The following RANBP2 variants were observed in gnomAD, a reference collection of about 807,000 sequenced individuals.
The protein encoded by RANBP2 is RAN binding protein 2.
Under a neutral mutation model 303.6 loss-of-function variants are expected in RANBP2, and 57 were observed. The observed-to-expected ratio is 0.19, with a 90% CI of 0.15 to 0.23. The LOEUF (loss-of-function observed/expected upper bound fraction) is 0.23, where lower values mean the gene tolerates loss of function less well. Ranked by LOEUF, RANBP2 falls within the 10% of genes least tolerant of loss-of-function variation. The probability of loss-of-function intolerance (pLI) is 1.00; values close to 1 mark genes in which losing one functional copy is unlikely to be tolerated. For missense variants in RANBP2, 3,138 were observed against 3,780.8 expected, an observed-to-expected ratio of 0.83 and a Z score of 4.46; for synonymous variants, 1,167 against 1,301.5, an observed-to-expected ratio of 0.90 and a Z score of 2.23.
chr2:109,650,951 C>A, the RANBP2 span, among the ~76,000 whole-genome samples: 143 of 152,240 alleles, frequency 9.4e-4, 1 homozygote, highest in African/African-American at 3.3e-3. Context: ...GAAATGCAGT[C>A]TTGAGGGACA....
At chr2:109,535,135 A>C in the RANBP2 span, among the ~76,000 whole-genome samples, 812 of 152,348 alleles carry the variant, frequency 5.3e-3, 6 homozygotes, top group African/African-American at 0.019. Context: ...GGCACTGGTC[A>C]GAAGCGTGGA....
chr2:109,217,860 C>A, the RANBP2 span, among the ~76,000 whole-genome samples: 1 of 152,220 alleles, frequency 6.6e-6, no homozygotes, highest in Non-Finnish European at 1.5e-5. Context: ...CCCATCTCCC[C>A]CATACAGGGG....
At chr2:109,501,789 CG>C in the RANBP2 span, 8 of 624,742 alleles carry the variant, frequency 1.3e-5, no homozygotes, top group Admixed American at 2.5e-5. Context: ...AGGCACCTGG[CG>C]GGGGATACCC....
At chr2:109,465,951 G>A in the RANBP2 span, among the ~76,000 whole-genome samples, 3 of 151,738 alleles carry the variant, frequency 2.0e-5, no homozygotes, top group Admixed American at 2.0e-4. Flanking sequence ...CCTCCCACCA[G>A]ACCCCACCTC....
At chr2:108,978,514 G>A in the RANBP2 span, among the ~76,000 whole-genome samples, 4 of 152,172 alleles carry the variant, frequency 2.6e-5, no homozygotes, top group Admixed American at 2.0e-4. Flanking sequence ...AGGGAGCCAC[G>A]GGCTTAGGGA....
chr2:109,296,306 C>T, the RANBP2 span, among the ~76,000 whole-genome samples: 4,428 of 152,178 alleles, frequency 0.029, 235 homozygotes, highest in African/African-American at 0.1. Flanking sequence ...CGGCTCACTG[C>T]AACCCCTGCC....
At chr2:108,871,842 CTTTTG>C in the RANBP2 span, among the ~76,000 whole-genome samples, 6 of 151,982 alleles carry the variant, frequency 3.9e-5, no homozygotes, top group East Asian at 1.2e-3. Flanking sequence ...ATCTTTTTAC[CTTTTG>C]TTTTGTGACT....
At chr2:109,336,853 C>T in the RANBP2 span, among the ~76,000 whole-genome samples, 468 of 152,166 alleles carry the variant, frequency 3.1e-3, 3 homozygotes, top group African/African-American at 0.011. Flanking sequence ...CAACCGTATC[C>T]GTCAACACCT....
the RANBP2 span, among the ~76,000 whole-genome samples, chr2:109,563,317 C>T: frequency 5.9e-5 from 9 of 152,198 alleles, no homozygotes; most frequent in African/African-American, 2.2e-4. Context: ...AAGATTAAGT[C>T]TTCCAAAAGC....
At chr2:108,879,520 G>C in the RANBP2 span, among the ~76,000 whole-genome samples, 8 of 152,276 alleles carry the variant, frequency 5.3e-5, no homozygotes, top group South Asian at 2.1e-4. Context: ...AATACCAACT[G>C]CATATGACAG....
At chr2:109,399,247 G>A in the RANBP2 span, among the ~76,000 whole-genome samples, 1 of 152,100 alleles carries the variant, frequency 6.6e-6, no homozygotes, top group East Asian at 1.9e-4. Context: ...CGTGTCAGTC[G>A]GCTTCCAGAT....
the RANBP2 span, among the ~76,000 whole-genome samples, chr2:108,913,488 C>T: frequency 3.3e-5 from 5 of 151,566 alleles, no homozygotes; most frequent in African/African-American, 1.2e-4. Context: ...TTTTTCCAGT[C>T]ATAAAAGTAA....
the RANBP2 span, among the ~76,000 whole-genome samples, chr2:109,213,830 G>T: frequency 6.6e-6 from 1 of 152,216 alleles, no homozygotes; most frequent in African/African-American, 2.4e-5. Context: ...GGCTGGAAGG[G>T]CAGGGTTACA....
chr2:109,335,737 C>G, the RANBP2 span, among the ~76,000 whole-genome samples: 1 of 152,344 alleles, frequency 6.6e-6, no homozygotes, highest in East Asian at 1.9e-4. Context: ...GAACCGCACC[C>G]CACAAGTAAC....
At chr2:109,437,760 G>A in the RANBP2 span, among the ~76,000 whole-genome samples, 3 of 152,038 alleles carry the variant, frequency 2.0e-5, no homozygotes, top group Admixed American at 2.0e-4. Flanking sequence ...GTTGTGAGAT[G>A]AAAAGAAATT....
the RANBP2 span, among the ~76,000 whole-genome samples, chr2:109,087,941 C>T: frequency 6.6e-6 from 1 of 152,184 alleles, no homozygotes; most frequent in Non-Finnish European, 1.5e-5. Context: ...CATTGTGTGG[C>T]CTTGAGCAAC....
chr2:109,585,004 C>T, the RANBP2 span: 2 of 454,094 alleles, frequency 4.4e-6, no homozygotes, highest in Non-Finnish European at 7.6e-6. Context: ...ATTTTTAAAA[C>T]AATGTGTGGA....
At chr2:109,616,499 A>G in the RANBP2 span, 1 of 167,560 alleles carries the variant, frequency 6.0e-6, no homozygotes, top group East Asian at 1.9e-4. Flanking sequence ...ATGAAACTAC[A>G]TTGTATTTCT....
At chr2:109,549,542 A>T in the RANBP2 span, among the ~76,000 whole-genome samples, 1 of 152,228 alleles carries the variant, frequency 6.6e-6, no homozygotes, top group African/African-American at 2.4e-5. Context: ...TACGACAGGC[A>T]GTTAATTCAA....
Sources: gnomAD v4.1 joint callset for allele counts (sites outside exome capture counted in the v4.1 genomes callset) on GRCh38, gnomAD v4.1.1 for gene constraint, MANE v1.5 for transcripts, NCBI Gene and HGNC (gene_info 2026-07-23, HGNC 2026-07-21) for gene names.